SRPK1: variants seen among roughly 807,000 people sequenced by gnomAD.
SRPK1 encodes the protein SFRS protein kinase 1.
A neutral mutation model predicts 89.5 loss-of-function variants in SRPK1; 52 were observed. That is an observed-to-expected ratio of 0.58 (90% CI 0.46 to 0.73). SRPK1 has a LOEUF of 0.73. Among genes scored for constraint, SRPK1 ranks in the 30% least tolerant of loss-of-function variants. The pLI is 0.00. For missense variants in SRPK1, 603 were observed against 780.6 expected (o/e 0.77, Z 2.71); for synonymous variants, 255 against 270.2 (o/e 0.94, Z 0.55).
chr6:35,915,438 G>A (rs564502422), intron 2 of SRPK1, among the ~76,000 whole-genome samples: 18 of 149,872 alleles, frequency 1.2e-4, no homozygotes, highest in African/African-American at 4.4e-4. Flanking sequence ...AAATCTTGCT[G>A]GACAAAATTT....
chr6:35,914,317 AG>A (rs1291286970), intron 2 of SRPK1, among the ~76,000 whole-genome samples: 1 of 152,152 alleles, frequency 6.6e-6, no homozygotes, highest in Non-Finnish European at 1.5e-5. Flanking sequence ...ATCAAGAAAA[AG>A]ATCAACAATC....
chr6:35,886,467 C>A (rs150453849), intron 6 of SRPK1, among the ~76,000 whole-genome samples: 1 of 152,120 alleles, frequency 6.6e-6, no homozygotes, highest in Non-Finnish European at 1.5e-5. Flanking sequence ...AGTGATACAA[C>A]GCATTTTCTA....
chr6:35,892,801 C>T (rs376287685), intron 2 of SRPK1, among the ~76,000 whole-genome samples: 1 of 152,152 alleles, frequency 6.6e-6, no homozygotes, highest in East Asian at 1.9e-4. Flanking sequence ...TTTACCTTTT[C>T]ATCAACCTGT....
At chr6:35,889,460 C>T (rs1366210646) in intron 3 of SRPK1, among the ~76,000 whole-genome samples, 1 of 151,628 alleles carries the variant, frequency 6.6e-6, no homozygotes, top group South Asian at 2.1e-4. Flanking sequence ...CCAGCCTGGC[C>T]AACATAGTGA....
intron 13 of SRPK1, among the ~76,000 whole-genome samples, chr6:35,848,354 T>C (rs554421978): frequency 2.0e-5 from 3 of 152,130 alleles, no homozygotes; most frequent in East Asian, 3.9e-4. Flanking sequence ...CTCAGGAGTT[T>C]TGAGACCAGC....
rs368969962 is a variant in SRPK1, at chr6:35,869,752, G to A, written c.1141C>T (p.His381Tyr). 3.7e-6 allele frequency: 6 copies of A among 1,613,926 alleles called. No homozygotes were observed. In the South Asian group the frequency reaches 5.5e-5, roughly 15 times the overall value. ...NETLRHKEDL[H>Y]NANDCDVQNL... The stretch of plus-strand genomic sequence containing the variant: ...TGGACATCACAGTCATTAGCATTAT[G>A]TAGATCCTCTTTATGTCTCAATGTT... Residue 381 changes from histidine to tyrosine, a missense_variant, in exon 11 of 16, where the codon CAT (histidine) becomes TAT (tyrosine). By Grantham distance (83) the His-to-Tyr change is moderately conservative. Transcript: ENST00000373825.
intron 2 of SRPK1, among the ~76,000 whole-genome samples, chr6:35,896,408 T>G (rs534527886): frequency 2.0e-5 from 3 of 152,194 alleles, no homozygotes; most frequent in African/African-American, 7.2e-5. Flanking sequence ...TCAAGGTATA[T>G]TAAAGTTATA....
At chr6:35,906,826 T>C (rs184376934) in intron 2 of SRPK1, among the ~76,000 whole-genome samples, 4 of 152,122 alleles carry the variant, frequency 2.6e-5, no homozygotes, top group Admixed American at 6.5e-5. Context: ...TCCATAAAAC[T>C]GTAGGAAAAA....
intron 2 of SRPK1, among the ~76,000 whole-genome samples, chr6:35,916,722 T>C (rs139038771): frequency 2.7e-3 from 405 of 152,326 alleles, no homozygotes; most frequent in African/African-American, 9.4e-3. Context: ...TCAGTAAGTA[T>C]GAAATCCATT....
At chr6:35,889,465 T>C (rs972553251) in intron 3 of SRPK1, among the ~76,000 whole-genome samples, 4 of 150,934 alleles carry the variant, frequency 2.7e-5, no homozygotes, top group Non-Finnish European at 5.9e-5. Flanking sequence ...CTGGCCAACA[T>C]AGTGAAACCT....
At chr6:35,861,812 G>A (rs935887825) in intron 12 of SRPK1, among the ~76,000 whole-genome samples, 1 of 152,194 alleles carries the variant, frequency 6.6e-6, no homozygotes, top group South Asian at 2.1e-4. Flanking sequence ...TGAGTGTACT[G>A]TAACTCCCCA....
intron 2 of SRPK1, among the ~76,000 whole-genome samples, chr6:35,899,642 T>C (rs543824683): frequency 3.3e-5 from 5 of 152,338 alleles, no homozygotes; most frequent in African/African-American, 4.8e-5. Flanking sequence ...ATGTCAAGCA[T>C]TGAAGCACTT....
intron 13 of SRPK1, among the ~76,000 whole-genome samples, chr6:35,855,348 G>A (rs187233479): frequency 6.6e-6 from 1 of 151,758 alleles, no homozygotes; most frequent in East Asian, 1.9e-4. Context: ...ACAACAAAGT[G>A]CTCTATAAGG....
At chr6:35,883,664 G>T (rs1283881100) in intron 6 of SRPK1, among the ~76,000 whole-genome samples, 2 of 150,664 alleles carry the variant, frequency 1.3e-5, no homozygotes, top group Non-Finnish European at 3.0e-5. Context: ...CAAAAAGGAA[G>T]AGCCAAATAA....
At chr6:35,850,558 A>T (rs1769530360) in intron 13 of SRPK1, among the ~76,000 whole-genome samples, 1 of 152,232 alleles carries the variant, frequency 6.6e-6, no homozygotes, top group Non-Finnish European at 1.5e-5. Flanking sequence ...CAGCTTTAAA[A>T]GTAGAGTTTT....
chr6:35,837,746 C>T (rs967442008), intron 15 of SRPK1, among the ~76,000 whole-genome samples: 4 of 151,892 alleles, frequency 2.6e-5, no homozygotes, highest in East Asian at 1.9e-4. Flanking sequence ...TTTGTAGAGA[C>T]AGGGTTTTCC....
At chr6:35,854,449 G>A (rs1002173160) in intron 13 of SRPK1, among the ~76,000 whole-genome samples, 6 of 152,066 alleles carry the variant, frequency 3.9e-5, no homozygotes, top group Non-Finnish European at 5.9e-5. Flanking sequence ...CAAATTTAAA[G>A]CAACATTTTG....
intron 6 of SRPK1, among the ~76,000 whole-genome samples, chr6:35,877,003 C>T (rs971643234): frequency 6.6e-6 from 1 of 152,190 alleles, no homozygotes; most frequent in African/African-American, 2.4e-5. Flanking sequence ...AGAGGGGGCC[C>T]GCCCCTTCAA....
At chr6:35,846,842 G>A (rs1006802858) in intron 13 of SRPK1, among the ~76,000 whole-genome samples, 4 of 152,096 alleles carry the variant, frequency 2.6e-5, no homozygotes, top group Admixed American at 1.3e-4. Flanking sequence ...AACATATAAC[G>A]AAGAAGTAAC....
Sources: allele counts gnomAD v4.1 joint callset (sites outside exome capture counted in the v4.1 genomes callset), GRCh38; gene constraint gnomAD v4.1.1; transcripts MANE v1.5; gene names NCBI Gene and HGNC (gene_info 2026-07-23, HGNC 2026-07-21).